SEMA5B: variants seen among roughly 807,000 people sequenced by gnomAD.
SEMA5B encodes the protein semaphorin 5B, also known as semaphorin-5B.
In SEMA5B, 66 loss-of-function variants were observed where a neutral mutation model predicts 135.0. That is an observed-to-expected ratio of 0.49 (90% confidence interval 0.40 to 0.60). The LOEUF is 0.60. SEMA5B is among the 20% of genes least tolerant of loss of function. SEMA5B has a pLI of 0.00. For missense variants in SEMA5B, 1,501 were observed against 1,566.3 expected (o/e 0.96, Z 0.70); for synonymous variants, 690 against 639.5 (o/e 1.08, Z -1.19).
chr3:122,989,831 A>C (rs1437550115), intron 1 of SEMA5B, among the ~76,000 whole-genome samples: 3 of 152,158 alleles, frequency 2.0e-5, no homozygotes, highest in Non-Finnish European at 4.4e-5. Context: ...GGTCAGAAAA[A>C]GAGGAGAAGG....
chr3:122,987,223 A>C (rs7626204), intron 1 of SEMA5B, among the ~76,000 whole-genome samples: 5,672 of 152,096 alleles, frequency 0.037, 231 homozygotes, highest in East Asian at 0.11. Context: ...GGAAGGGAAA[A>C]ATGCAGGTGG....
chr3:122,925,803 C>T (rs1452161835), intron 9 of SEMA5B, among the ~76,000 whole-genome samples: 1 of 148,690 alleles, frequency 6.7e-6, no homozygotes, highest in Non-Finnish European at 1.5e-5. Context: ...TTGGGCTGGA[C>T]AAGCTTGGTC....
intron 1 of SEMA5B, among the ~76,000 whole-genome samples, chr3:123,016,105 C>A (rs1241737103): frequency 2.0e-5 from 3 of 152,204 alleles, no homozygotes; most frequent in Non-Finnish European, 2.9e-5. Flanking sequence ...CCCTGACTCT[C>A]CACTGTCCAG....
chr3:122,951,659 CT>C (rs1940049996), intron 2 of SEMA5B, among the ~76,000 whole-genome samples: 1 of 152,216 alleles, frequency 6.6e-6, no homozygotes, highest in Non-Finnish European at 1.5e-5. Flanking sequence ...AAAGGTTGAA[CT>C]AGATTAGGGA....
At chr3:122,975,852 CACA>C in intron 1 of SEMA5B, 1 of 1,098,728 alleles carries the variant, frequency 9.1e-7, no homozygotes. Context: ...CCACTGCCTA[CACA>C]ACCAAATCCA....
chr3:122,948,262 G>C (rs2107550445), intron 3 of SEMA5B, among the ~76,000 whole-genome samples: 2 of 152,246 alleles, frequency 1.3e-5, no homozygotes, highest in South Asian at 4.1e-4. Context: ...CCCCAGGTTG[G>C]CATGCATGAA....
chr3:122,928,942 C>G, intron 6 of SEMA5B, 54 bp downstream of exon 6: 1 of 1,566,176 alleles, frequency 6.4e-7, no homozygotes. Flanking sequence ...TCCCCACAAC[C>G]ACAGGCCTCC....
chr3:123,016,185 C>T (rs1298653596), intron 1 of SEMA5B, among the ~76,000 whole-genome samples: 1 of 152,196 alleles, frequency 6.6e-6, no homozygotes, highest in Non-Finnish European at 1.5e-5. Context: ...TTGGTGTGTG[C>T]TGTGAGGGGA....
At chr3:123,021,013 G>A (rs1489841004) in intron 1 of SEMA5B, among the ~76,000 whole-genome samples, 11 of 152,210 alleles carry the variant, frequency 7.2e-5, no homozygotes, top group African/African-American at 2.4e-4. Context: ...TCAGCCTTGG[G>A]GACATTCATG....
Position 122,911,094 on chromosome 3 carries a change from C to G in SEMA5B, c.3092-49G>C. 4.1e-6 allele frequency: 6 copies of G among 1,473,084 alleles called. No individual in the cohort carries two copies. In the South Asian group the frequency reaches 6.0e-5, roughly 15 times the overall value. 91.3% of individuals were successfully genotyped at this position (1,473,084 alleles called of 1,614,324 possible). Reference sequence around the variant, plus strand: ...AAGATGAGGGCCACTGTGAAGAGGACAGACTCCTGCCTGCCTCCCTGGGAG... The same window carrying G: ...AAGATGAGGGCCACTGTGAAGAGGAGAGACTCCTGCCTGCCTCCCTGGGAG... On this transcript the variant is annotated intron_variant, in intron 21 of 22. Coordinates refer to ENST00000357599, the MANE Select transcript of SEMA5B (RefSeq NM_001031702.4).
chr3:122,928,949 C>T (rs1938798896), intron 6 of SEMA5B, 47 bp downstream of exon 6: 2 of 1,585,176 alleles, frequency 1.3e-6, no homozygotes, highest in South Asian at 2.2e-5. Flanking sequence ...AACCACAGGC[C>T]TCCTTCCAGC....
Position 122,948,640 on chromosome 3 carries a change from AG to A in SEMA5B, c.193del (p.Leu65TrpfsTer125). 6.2e-7 allele frequency: 1 copy of A among 1,613,896 alleles called. No homozygotes were observed. Among genetic ancestry groups the A allele is most frequent in the Admixed American group, 1.7e-5 (1 of 60,010 alleles). On this transcript the variant is annotated frameshift_variant, in exon 3 of 23. Coordinates refer to ENST00000357599, the MANE Select transcript of SEMA5B (RefSeq NM_001031702.4). LOFTEE classifies it high-confidence loss of function. ...GCTGGGCAGCAACAGCGAGACAGCCAGGGGGCCTGCAAGCACCATGATAGGC... is the reference window on the plus strand; with the variant it reads ...GCTGGGCAGCAACAGCGAGACAGCCAGGGGCCTGCAAGCACCATGATAGGC... ...EGPIMVLAGP[L>X]AVSLLLPSLT...
intron 1 of SEMA5B, among the ~76,000 whole-genome samples, chr3:122,997,553 C>T (rs1182418888): frequency 6.7e-6 from 1 of 149,750 alleles, no homozygotes; most frequent in East Asian, 2.0e-4. Context: ...TGTTGGTGGC[C>T]GTGGGAGGCC....
At chr3:122,963,534 G>T (rs891025671) in intron 1 of SEMA5B, among the ~76,000 whole-genome samples, 2 of 151,778 alleles carry the variant, frequency 1.3e-5, no homozygotes, top group African/African-American at 4.8e-5. Context: ...AAAAGAAAAA[G>T]CTGTGATATA....
chr3:122,987,291 A>G (rs1016395284), intron 1 of SEMA5B, among the ~76,000 whole-genome samples: 5 of 152,330 alleles, frequency 3.3e-5, no homozygotes, highest in African/African-American at 1.2e-4. Context: ...AAGTGGGTTC[A>G]CAAAGGACAG....
chr3:122,955,855 C>T (rs1386317269), intron 2 of SEMA5B, among the ~76,000 whole-genome samples: 1 of 152,230 alleles, frequency 6.6e-6, no homozygotes, highest in Non-Finnish European at 1.5e-5. Context: ...TCTGTTCATT[C>T]ATTTACATAA....
chr3:122,911,212 G>T, intron 21 of SEMA5B, 167 bp from the exon 22 acceptor site: 1 of 1,011,334 alleles, frequency 9.9e-7, no homozygotes, highest in Non-Finnish European at 1.4e-6. Flanking sequence ...CTGTCACTGG[G>T]GACCTCTTTC....
intron 14 of SEMA5B, 140 bp from the exon 15 acceptor site, chr3:122,914,141 G>T: frequency 1.1e-6 from 1 of 887,924 alleles, no homozygotes; most frequent in Non-Finnish European, 1.6e-6. Flanking sequence ...CTCCTAAACA[G>T]GTCATCTCAG....
chr3:123,000,772 C>T (rs552463847), intron 1 of SEMA5B, among the ~76,000 whole-genome samples: 1 of 152,250 alleles, frequency 6.6e-6, no homozygotes, highest in Admixed American at 6.5e-5. Flanking sequence ...AGGGATGCAC[C>T]TTCCTGGTGA....
Sources: allele counts gnomAD v4.1 joint callset (sites outside exome capture counted in the v4.1 genomes callset), GRCh38; gene constraint gnomAD v4.1.1; transcripts MANE v1.5; gene names NCBI Gene and HGNC (gene_info 2026-07-23, HGNC 2026-07-21).